Variants in PLPPR1 observed in about 807,000 individuals in gnomAD.
The protein encoded by PLPPR1 is phospholipid phosphatase-related protein type 1.
In PLPPR1, 10 loss-of-function variants were observed where a neutral mutation model predicts 33.1. The ratio of observed to expected loss-of-function variants is 0.30; its 90% CI spans 0.19 to 0.51. PLPPR1 has a LOEUF of 0.51. PLPPR1 is among the 20% of genes least tolerant of loss of function. The pLI is 0.97. For synonymous variants in PLPPR1, 151 were observed against 151.0 expected (o/e 1.00, Z 0.00); for missense variants, 304 against 408.1 (o/e 0.74, Z 2.20).
chr9:101,278,570 C>T (rs1588108357), intron 3 of PLPPR1, among the ~76,000 whole-genome samples: 3 of 152,192 alleles, frequency 2.0e-5, no homozygotes, highest in African/African-American at 7.2e-5. Flanking sequence ...GAGACACCAT[C>T]CACTTGGGGG....
At chr9:101,058,219 G>C (rs1434824210) in intron 1 of PLPPR1, among the ~76,000 whole-genome samples, 1 of 152,084 alleles carries the variant, frequency 6.6e-6, no homozygotes, top group East Asian at 1.9e-4. Context: ...TGGCTTTGCT[G>C]TCTGTGAACA....
intron 1 of PLPPR1, among the ~76,000 whole-genome samples, chr9:101,165,359 G>T (rs1033961773): frequency 1.3e-5 from 2 of 152,136 alleles, no homozygotes; most frequent in Non-Finnish European, 2.9e-5. Context: ...TGACTGTTAT[G>T]AATGATTGAC....
At chr9:101,107,927 AC>A (rs772611081) in intron 1 of PLPPR1, among the ~76,000 whole-genome samples, 3 of 150,592 alleles carry the variant, frequency 2.0e-5, no homozygotes, top group Non-Finnish European at 3.0e-5. Context: ...TGCGTTCGTC[AC>A]CCCTTTCTTT....
At chr9:101,262,575 C>T (rs571145002) in intron 2 of PLPPR1, among the ~76,000 whole-genome samples, 1 of 152,264 alleles carries the variant, frequency 6.6e-6, no homozygotes, top group African/African-American at 2.4e-5. Context: ...ATTAGTTCAA[C>T]CATTGTGGAA....
chr9:101,223,313 G>T (rs1282225761), intron 2 of PLPPR1, among the ~76,000 whole-genome samples: 2 of 147,070 alleles, frequency 1.4e-5, no homozygotes, highest in Non-Finnish European at 3.0e-5. Context: ...TCCAGTCTGG[G>T]TGACAGACTG....
At chr9:101,139,341 G>A (rs1831417715) in intron 1 of PLPPR1, among the ~76,000 whole-genome samples, 1 of 152,178 alleles carries the variant, frequency 6.6e-6, no homozygotes, top group Admixed American at 6.6e-5. Context: ...CTAATGAGGG[G>A]TGTGTGCTTA....
At chr9:101,208,293 T>C (rs1826626045) in intron 2 of PLPPR1, among the ~76,000 whole-genome samples, 1 of 80,136 alleles carries the variant, frequency 1.2e-5, no homozygotes, top group Non-Finnish European at 2.4e-5. Context: ...TGAGAAGGTG[T>C]GGTTGTCACA....
Position 101,312,912 on chromosome 9 carries a change from C to T in PLPPR1, c.751C>T (p.Arg251Trp), listed in dbSNP as rs780787669. 1.3e-5 allele frequency: 21 copies of T among 1,614,004 alleles called. No individual in the cohort carries two copies. Among genetic ancestry groups the T allele is most frequent in the Non-Finnish European group, 1.3e-5 (15 of 1,180,014 alleles). Reference protein sequence around the residue: ...LTGLNRVSEYRNHCSDVIAGF... With the variant: ...LTGLNRVSEYWNHCSDVIAGF... Reference sequence around the variant, plus strand: ...AGGCCTCAACCGGGTCTCTGAGTATCGGAACCACTGCTCGGACGTGATTGC... The same window carrying T: ...AGGCCTCAACCGGGTCTCTGAGTATTGGAACCACTGCTCGGACGTGATTGC... The change falls in exon 6 of 8, where the codon CGG becomes TGG. Residue 251 changes from arginine to tryptophan, a missense_variant. Physicochemically the swap from Arg to Trp is moderately radical, Grantham distance 101 (BLOSUM62 -3). Transcript: ENST00000374874.
intron 1 of PLPPR1, among the ~76,000 whole-genome samples, chr9:101,068,347 G>A (rs768347691): frequency 1.3e-5 from 2 of 152,026 alleles, no homozygotes; most frequent in Admixed American, 1.3e-4. Context: ...ATGGAAGCCC[G>A]AGGGGAAGAG....
chr9:101,230,131 A>C, intron 2 of PLPPR1, among the ~76,000 whole-genome samples: 1 of 152,156 alleles, frequency 6.6e-6, no homozygotes, highest in East Asian at 1.9e-4. Context: ...TAATAAAGAA[A>C]AGGAAAATCC....
rs1022005755 is a variant in PLPPR1 at position 101,268,793 on chromosome 9, A to T, written c.64-1087A>T. ...TCCTACCAAGTTCTGATTTTTTTTC[A>T]TAACTTTGATACCTTTAAACAAATC... On this transcript the variant is annotated intron_variant, in intron 2 of 7. Coordinates refer to ENST00000374874, the MANE Select transcript of PLPPR1 (RefSeq NM_207299.2). Among the ~76,000 whole-genome samples the T allele has an allele frequency of 9.2e-5, 14 of 152,194 alleles. No individual in the cohort carries two copies. The South Asian group carries it at 2.9e-3, about 31-fold the overall frequency.
At chr9:101,209,597 A>G in intron 2 of PLPPR1, among the ~76,000 whole-genome samples, 1 of 152,198 alleles carries the variant, frequency 6.6e-6, no homozygotes, top group African/African-American at 2.4e-5. Flanking sequence ...CACATGAGGG[A>G]CTGATGTTTG....
intron 3 of PLPPR1, among the ~76,000 whole-genome samples, chr9:101,275,458 G>C (rs1173849614): frequency 6.6e-6 from 1 of 152,204 alleles, no homozygotes; most frequent in Admixed American, 6.5e-5. Context: ...AAAAGGCCAA[G>C]GCCACTGCTG....
chr9:101,147,688 G>C (rs1831537164), intron 1 of PLPPR1, among the ~76,000 whole-genome samples: 1 of 152,152 alleles, frequency 6.6e-6, no homozygotes, highest in Non-Finnish European at 1.5e-5. Flanking sequence ...CAGGTATTTT[G>C]GGAGTGTGGG....
chr9:101,180,151 CACACACACACAT>C (rs1283724576), intron 1 of PLPPR1, among the ~76,000 whole-genome samples: 12 of 130,888 alleles, frequency 9.2e-5, no homozygotes, highest in South Asian at 4.8e-4. Flanking sequence ...TATACACACA[CACACACACACAT>C]ACACACACAC....
At chr9:101,173,182 A>G (rs1825969740) in intron 1 of PLPPR1, among the ~76,000 whole-genome samples, 1 of 152,116 alleles carries the variant, frequency 6.6e-6, no homozygotes, top group Admixed American at 6.5e-5. Context: ...TTCCTGAGTC[A>G]CTAATTTAAT....
intron 2 of PLPPR1, among the ~76,000 whole-genome samples, chr9:101,221,046 C>A (rs1387621366): frequency 6.6e-6 from 1 of 152,154 alleles, no homozygotes; most frequent in Non-Finnish European, 1.5e-5. Flanking sequence ...TTTGTTAACA[C>A]TACCCCTCTC....
intron 4 of PLPPR1, among the ~76,000 whole-genome samples, chr9:101,306,331 G>C (rs868405107): frequency 6.6e-6 from 1 of 152,168 alleles, no homozygotes; most frequent in African/African-American, 2.4e-5. Context: ...AGCCTGAGGC[G>C]GGGAGCCTGT....
chr9:101,212,784 G>A lies in PLPPR1; in HGVS notation c.63+27227G>A, dbSNP rs559705900. Among the ~76,000 whole-genome samples the A allele has an allele frequency of 2.1e-3, 326 of 152,284 alleles. 1 individual carries two copies. The highest frequency in any genetic ancestry group is 7.2e-3 in the African/African-American group (299 of 41,554). On this transcript the variant is annotated intron_variant, in intron 2 of 7. Transcript: ENST00000374874. ...GAAAGGAATGAGAGATATCTGTAAC[G>A]TGAGGATTGAGTACAAGTGTATGAT...
Sources: gnomAD v4.1 joint callset for allele counts (sites outside exome capture counted in the v4.1 genomes callset) on GRCh38, gnomAD v4.1.1 for gene constraint, MANE v1.5 for transcripts, NCBI Gene and HGNC (gene_info 2026-07-23, HGNC 2026-07-21) for gene names.